The following IMPG1 variants were observed in gnomAD, a reference collection of about 807,000 sequenced individuals.
The protein encoded by IMPG1 is interphotoreceptor matrix proteoglycan 1.
Under a neutral mutation model 92.0 loss-of-function variants are expected in IMPG1, and 85 were observed. The ratio of observed to expected loss-of-function variants is 0.92; its 90% CI spans 0.78 to 1.11. The LOEUF is 1.11. Ranked by LOEUF, IMPG1 falls within the 50% of genes least tolerant of loss-of-function variation. The pLI is 0.00. For missense variants in IMPG1, 1,022 were observed against 956.0 expected (o/e 1.07, Z -0.91); for synonymous variants, 367 against 334.1 (o/e 1.10, Z -1.08).
chr6:76,050,178 G>A (rs145942545), intron 1 of IMPG1, among the ~76,000 whole-genome samples: 117 of 152,166 alleles, frequency 7.7e-4, no homozygotes, highest in African/African-American at 1.7e-3. Flanking sequence ...AGTGGCTCAC[G>A]CCTGAAATCC....
At position 75,922,145 on chromosome 6, in the gene IMPG1, C is replaced by A. The variant is rs1781440653; in HGVS notation, c.2338G>T (p.Glu780Ter). Reference sequence around the variant, plus strand: ...TCTTCATATTCTACGGTCAGTAATTCAGAATTTCTTTTACTGATTACCTGA... The same window carrying A: ...TCTTCATATTCTACGGTCAGTAATTAAGAATTTCTTTTACTGATTACCTGA... Reference protein sequence around the residue: ...NNKVISKRNSELLTVEYEEFN... With the variant: ...NNKVISKRNS Residue 780 changes from glutamate (E) to a stop codon, truncating the protein, a stop_gained, in exon 17 of 17, where the codon GAA becomes TAA. Coordinates refer to ENST00000369950, the MANE Select transcript of IMPG1 (RefSeq NM_001563.4). LOFTEE classifies it high-confidence loss of function. 1 of 1,403,262 alleles carries A rather than the reference C, an allele frequency of 7.1e-7. No individual in the cohort carries two copies. The highest frequency in any genetic ancestry group is 1.0e-6 in the Non-Finnish European group (1 of 1,000,316). 86.9% of individuals were successfully genotyped at this position (1,403,262 alleles called of 1,614,324 possible). A position where few individuals can be genotyped will look rare whatever the true frequency, so the allele number is the denominator to read the frequency against.
rs1441395277 is a variant in IMPG1, at chr6:76,072,420, AC to A, written c.67+1del. The A allele has an allele frequency of 6.7e-7, 1 of 1,501,582 alleles. No individual in the cohort carries two copies. Among genetic ancestry groups the A allele is most frequent in the Non-Finnish European group, 9.2e-7 (1 of 1,084,264 alleles). 93.0% of individuals were successfully genotyped at this position (1,501,582 alleles called of 1,614,324 possible). A position where few individuals can be genotyped will look rare whatever the true frequency, so the allele number is the denominator to read the frequency against. On this transcript the variant is annotated splice_donor_variant, in intron 1 of 16. Transcript: ENST00000369950. LOFTEE classifies it high-confidence loss of function. The stretch of plus-strand genomic sequence containing the variant: ...TTAAAAGTAAACATTTAAGTAACTT[AC>A]CTTTGGTTCCTTGAACTTGGAGAAA...
intron 12 of IMPG1, among the ~76,000 whole-genome samples, chr6:75,974,809 C>T (rs896597098): frequency 6.6e-6 from 1 of 152,138 alleles, no homozygotes; most frequent in African/African-American, 2.4e-5. Context: ...AGCCACCACA[C>T]CTGGCCGGGA....
chr6:76,046,746 G>A (rs904170253), intron 1 of IMPG1, among the ~76,000 whole-genome samples: 4 of 151,978 alleles, frequency 2.6e-5, no homozygotes, highest in African/African-American at 7.2e-5. Flanking sequence ...TTATAACATG[G>A]GCAGCAGCTA....
intron 12 of IMPG1, among the ~76,000 whole-genome samples, chr6:75,984,375 T>C (rs181312249): frequency 6.6e-6 from 1 of 152,310 alleles, no homozygotes; most frequent in East Asian, 1.9e-4. Context: ...TGAAAAGCTA[T>C]TCAGTCTTAA....
intron 12 of IMPG1, among the ~76,000 whole-genome samples, chr6:75,960,530 A>G (rs1782198554): frequency 6.6e-6 from 1 of 152,046 alleles, no homozygotes; most frequent in Non-Finnish European, 1.5e-5. Context: ...GACATTTTGT[A>G]TTTTTCTTTG....
chr6:76,062,855 GT>G (rs34696512), intron 1 of IMPG1, among the ~76,000 whole-genome samples: 11,762 of 143,678 alleles, frequency 0.082, 485 homozygotes, highest in East Asian at 0.13. Context: ...AGCAAGTTAG[GT>G]TTTTTTTTTT....
chr6:76,029,919 G>A (rs369769866), intron 4 of IMPG1, among the ~76,000 whole-genome samples: 4 of 152,050 alleles, frequency 2.6e-5, no homozygotes. Flanking sequence ...AGGAGTCCAT[G>A]TAACCCCCCG....
At position 76,018,706 on chromosome 6, in the gene IMPG1, G is replaced by C. The variant is rs755753917; in HGVS notation, c.807+12C>G. On this transcript the variant is annotated intron_variant, in intron 7 of 16. Coordinates refer to ENST00000369950, the MANE Select transcript of IMPG1 (RefSeq NM_001563.4). ...AGCTTGAGGTGTGGTTGTATGGGCC[G>C]GGTCTACTCACCTGAAGTTGGGACT... is the stretch of plus-strand genomic sequence containing the variant. The C allele has an allele frequency of 1.1e-5, 17 of 1,611,248 alleles. No individual in the cohort carries two copies. The highest frequency in any genetic ancestry group is 1.4e-5 in the Non-Finnish European group (16 of 1,178,618).
At chr6:75,979,078 AT>A (rs372291365) in intron 12 of IMPG1, among the ~76,000 whole-genome samples, 32 of 148,784 alleles carry the variant, frequency 2.2e-4, no homozygotes, top group African/African-American at 2.5e-4. Flanking sequence ...ATACCTACCT[AT>A]TTTTTTTTTC....
chr6:76,068,535 G>A (rs1420087428), intron 1 of IMPG1, among the ~76,000 whole-genome samples: 1 of 116,756 alleles, frequency 8.6e-6, no homozygotes, highest in Non-Finnish European at 1.7e-5. Flanking sequence ...TTTTTTTGGA[G>A]ACAGAGTCTT....
intron 12 of IMPG1, among the ~76,000 whole-genome samples, chr6:75,981,548 C>A (rs1042399687): frequency 6.6e-6 from 1 of 152,190 alleles, no homozygotes; most frequent in Non-Finnish European, 1.5e-5. Context: ...TAGTCAACAT[C>A]TTTCTTTGCT....
chr6:76,002,442 A>G (rs997050919), intron 12 of IMPG1, among the ~76,000 whole-genome samples: 1 of 152,264 alleles, frequency 6.6e-6, no homozygotes, highest in Non-Finnish European at 1.5e-5. Context: ...CACTAAAGAA[A>G]CACATGTAGC....
intron 15 of IMPG1, among the ~76,000 whole-genome samples, chr6:75,926,163 A>G (rs1781545739): frequency 6.6e-6 from 1 of 152,238 alleles, no homozygotes; most frequent in African/African-American, 2.4e-5. Flanking sequence ...GAAAACTTCC[A>G]GGAGAACTGT....
intron 16 of IMPG1, among the ~76,000 whole-genome samples, chr6:75,922,818 A>G (rs1472522164): frequency 6.6e-6 from 1 of 152,140 alleles, no homozygotes; most frequent in Non-Finnish European, 1.5e-5. Context: ...GATACATAAA[A>G]TTATTATTAG....
At chr6:75,953,983 G>A (rs1782077352) in intron 12 of IMPG1, among the ~76,000 whole-genome samples, 1 of 152,168 alleles carries the variant, frequency 6.6e-6, no homozygotes, top group Non-Finnish European at 1.5e-5. Context: ...TGGTATATAT[G>A]TGCTACATTT....
intron 14 of IMPG1, among the ~76,000 whole-genome samples, chr6:75,932,866 A>T (rs1398305794): frequency 6.6e-6 from 1 of 151,850 alleles, no homozygotes; most frequent in Non-Finnish European, 1.5e-5. Flanking sequence ...ATGCCCAGCT[A>T]ATTTTTGTAT....
Position 75,974,379 on chromosome 6 carries a change from C to CTT in IMPG1, c.1292-23287_1292-23286dup, listed in dbSNP as rs1299698465. Among the ~76,000 whole-genome samples, 101 of 87,492 alleles carry CTT rather than the reference C, an allele frequency of 1.2e-3. 1 individual carries two copies. Among genetic ancestry groups the CTT allele is most frequent in the South Asian group, 1.7e-3 (4 of 2,420 alleles). 57.4% of individuals were successfully genotyped at this position (87,492 alleles called of 152,430 possible). ...TCTTTCTTTCTTTCTTTCTTTCTTT[C>CTT]TTTCTTTCTTTCTTTTCTTTCTTTC... is the stretch of plus-strand genomic sequence containing the variant. On this transcript the variant is annotated intron_variant, in intron 12 of 16. Coordinates refer to ENST00000369950, the MANE Select transcript of IMPG1 (RefSeq NM_001563.4).
intron 12 of IMPG1, among the ~76,000 whole-genome samples, chr6:75,956,056 AT>A (rs1372330126): frequency 2.0e-5 from 3 of 151,310 alleles, no homozygotes; most frequent in Non-Finnish European, 4.4e-5. Context: ...TTGGCCTGAA[AT>A]TTTTTTTTGT....
Sources: allele counts gnomAD v4.1 joint callset (sites outside exome capture counted in the v4.1 genomes callset), GRCh38; gene constraint gnomAD v4.1.1; transcripts MANE v1.5; gene names NCBI Gene and HGNC (gene_info 2026-07-23, HGNC 2026-07-21).